The following HYCC1 variants were observed in gnomAD, a reference collection of about 807,000 sequenced individuals.
HYCC1 encodes the protein hyccin.
the HYCC1 span, chr7:22,976,765 G>A: frequency 6.2e-7 from 1 of 1,613,634 alleles, no homozygotes; most frequent in African/African-American, 1.3e-5. Flanking sequence ...ACCATGCTGG[G>A]ATAGTGCACT....
At chr7:22,999,028 G>A in the HYCC1 span, among the ~76,000 whole-genome samples, 1 of 152,132 alleles carries the variant, frequency 6.6e-6, no homozygotes, top group Non-Finnish European at 1.5e-5. Context: ...TTAATGAAAT[G>A]CATGCATTGG....
At chr7:22,959,969 A>G in the HYCC1 span, among the ~76,000 whole-genome samples, 1 of 152,240 alleles carries the variant, frequency 6.6e-6, no homozygotes, top group Admixed American at 6.5e-5. Context: ...CAAGCCCAAA[A>G]TGTATGAGTA....
At chr7:22,955,262 T>G in the HYCC1 span, among the ~76,000 whole-genome samples, 2 of 151,606 alleles carry the variant, frequency 1.3e-5, no homozygotes, top group East Asian at 1.9e-4. Context: ...CAGGACAACT[T>G]GAATAGCAAA....
At chr7:22,949,023 G>C in the HYCC1 span, among the ~76,000 whole-genome samples, 1 of 151,926 alleles carries the variant, frequency 6.6e-6, no homozygotes, top group African/African-American at 2.4e-5. Context: ...TGTGGAAGCT[G>C]TTTCACAAAA....
the HYCC1 span, among the ~76,000 whole-genome samples, chr7:23,004,521 T>C: frequency 3.2e-4 from 48 of 152,316 alleles, no homozygotes; most frequent in African/African-American, 1.2e-3. Flanking sequence ...CAACCTAAAA[T>C]TGTATGACAT....
chr7:23,005,057 G>T, the HYCC1 span, among the ~76,000 whole-genome samples: 2 of 152,150 alleles, frequency 1.3e-5, no homozygotes, highest in Admixed American at 1.3e-4. Flanking sequence ...CGCCCGCCTT[G>T]GCCTCCCAAA....
chr7:22,925,174 C>T, the HYCC1 span, among the ~76,000 whole-genome samples: 9 of 152,222 alleles, frequency 5.9e-5, no homozygotes, highest in South Asian at 1.7e-3. Context: ...CACCAAAAAC[C>T]CATCTGTACG....
the HYCC1 span, among the ~76,000 whole-genome samples, chr7:22,911,777 C>T: frequency 6.6e-6 from 1 of 152,116 alleles, no homozygotes; most frequent in African/African-American, 2.4e-5. Flanking sequence ...AATAATAATA[C>T]AAATAAAAAG....
the HYCC1 span, chr7:22,961,164 G>GCT: frequency 2.2e-6 from 2 of 914,082 alleles, no homozygotes; most frequent in Admixed American, 1.7e-5. Context: ...ACTATGAATG[G>GCT]CTCTCAATTT....
chr7:22,978,485 C>G, the HYCC1 span: 9 of 1,551,504 alleles, frequency 5.8e-6, no homozygotes, highest in Non-Finnish European at 7.1e-6. Context: ...AAGAACTGGA[C>G]TGTATTTGAA....
At chr7:22,925,873 A>G in the HYCC1 span, among the ~76,000 whole-genome samples, 1 of 152,218 alleles carries the variant, frequency 6.6e-6, no homozygotes, top group Non-Finnish European at 1.5e-5. Flanking sequence ...TCCAAGACAC[A>G]TAATTGTCAG....
chr7:22,903,789 C>T, the HYCC1 span, among the ~76,000 whole-genome samples: 2 of 151,974 alleles, frequency 1.3e-5, no homozygotes, highest in East Asian at 1.9e-4. Flanking sequence ...ATGATGTTTC[C>T]CTCTTAAAGG....
the HYCC1 span, chr7:22,983,857 C>T: frequency 1.3e-6 from 1 of 787,962 alleles, no homozygotes; most frequent in Non-Finnish European, 2.2e-6. Context: ...TATACATTTT[C>T]TTACCCCTTT....
the HYCC1 span, among the ~76,000 whole-genome samples, chr7:22,975,078 C>T: frequency 6.6e-6 from 1 of 152,170 alleles, no homozygotes; most frequent in Admixed American, 6.5e-5. Flanking sequence ...TGAAAATGGA[C>T]TAATACACTC....
the HYCC1 span, among the ~76,000 whole-genome samples, chr7:22,903,220 C>T: frequency 4.8e-4 from 73 of 152,020 alleles, no homozygotes; most frequent in Admixed American, 3.6e-3. Flanking sequence ...CACTCATAGG[C>T]ATATATTCAA....
the HYCC1 span, among the ~76,000 whole-genome samples, chr7:22,921,125 A>T: frequency 6.6e-6 from 1 of 152,208 alleles, no homozygotes; most frequent in African/African-American, 2.4e-5. Context: ...AGCCTCAGGT[A>T]TTTCTTTATA....
At chr7:23,002,162 A>ATATACACAAT in the HYCC1 span, among the ~76,000 whole-genome samples, 9 of 35,484 alleles carry the variant, frequency 2.5e-4, no homozygotes, top group African/African-American at 1.1e-3. Flanking sequence ...ATATATATAT[A>ATATACACAAT]TATATATATA....
At chr7:22,914,907 A>G in the HYCC1 span, among the ~76,000 whole-genome samples, 1 of 152,156 alleles carries the variant, frequency 6.6e-6, no homozygotes, top group Non-Finnish European at 1.5e-5. Flanking sequence ...TTCCGTGACT[A>G]GCCCTCTCCC....
At chr7:22,908,461 G>A in the HYCC1 span, among the ~76,000 whole-genome samples, 1 of 152,240 alleles carries the variant, frequency 6.6e-6, no homozygotes, top group South Asian at 2.1e-4. Flanking sequence ...CTCTATTCTG[G>A]TCTTCCAGGC....
Sources: allele counts gnomAD v4.1 joint callset (sites outside exome capture counted in the v4.1 genomes callset), GRCh38; gene constraint gnomAD v4.1.1; transcripts MANE v1.5; gene names NCBI Gene and HGNC (gene_info 2026-07-23, HGNC 2026-07-21).